TBCD: variants seen among roughly 807,000 people sequenced by gnomAD.
TBCD encodes tubulin folding cofactor D.
A neutral mutation model predicts 169.3 loss-of-function variants in TBCD; 105 were observed. That is an observed-to-expected ratio of 0.62 (90% CI 0.53 to 0.73). TBCD has a LOEUF of 0.73. Among genes scored for constraint, TBCD ranks in the 30% least tolerant of loss-of-function variants. The pLI is 0.00. For synonymous variants in TBCD, 700 were observed against 643.9 expected (o/e 1.09, Z -1.32); for missense variants, 1,444 against 1,600.1 (o/e 0.90, Z 1.66).
intron 13 of TBCD, chr17:82,830,200 G>A (rs753642559): frequency 1.2e-6 from 2 of 1,614,064 alleles, no homozygotes; most frequent in Non-Finnish European, 1.7e-6. Flanking sequence ...CTGCAGCTTC[G>A]CCTTCTTAGC....
rs1161108825 is a variant in TBCD, at chr17:82,905,579, G to A, written c.1805-357G>A. Among the ~76,000 whole-genome samples, 6 of 57,870 alleles carry A rather than the reference G, an allele frequency of 1.0e-4. 1 individual carries two copies. The highest frequency in any genetic ancestry group is 2.4e-4 in the African/African-American group (2 of 8,342). 38.0% of individuals were successfully genotyped at this position (57,870 alleles called of 152,430 possible). A position where few individuals can be genotyped will look rare whatever the true frequency, so the allele number is the denominator to read the frequency against. ...TGTGCACGCCGTCACCTGCCCTCCC[G>A]GCCCTGTGTGGGTGCGTGTGGGCTT... On this transcript the variant is annotated intron_variant, in intron 19 of 38. Coordinates refer to ENST00000355528, the MANE Select transcript of TBCD (RefSeq NM_005993.5).
chr17:82,925,094 C>T (rs1329208662), intron 27 of TBCD, 37 bp downstream of exon 27: 119 of 1,498,256 alleles, frequency 7.9e-5, no homozygotes, highest in Middle Eastern at 2.0e-4. Flanking sequence ...GGGCCTAGGG[C>T]GAGGGTGTGG....
chr17:82,805,329 C>T (rs2050879021), intron 9 of TBCD, among the ~76,000 whole-genome samples: 1 of 152,200 alleles, frequency 6.6e-6, no homozygotes, highest in Non-Finnish European at 1.5e-5. Context: ...GCCATGGGCC[C>T]CTTCATGGCG....
intron 13 of TBCD, among the ~76,000 whole-genome samples, chr17:82,868,343 C>A (rs2057325578): frequency 6.6e-6 from 1 of 152,138 alleles, no homozygotes; most frequent in African/African-American, 2.4e-5. Context: ...GGAGCCCTGG[C>A]AGGCTGGGGA....
intron 6 of TBCD, among the ~76,000 whole-genome samples, chr17:82,780,709 A>G (rs1437847355): frequency 7.2e-6 from 1 of 138,658 alleles, no homozygotes; most frequent in East Asian, 2.5e-4. Context: ...CAGTGGCACA[A>G]TCTTGGCTCA....
intron 13 of TBCD, among the ~76,000 whole-genome samples, chr17:82,816,598 A>G (rs964819827): frequency 2.0e-5 from 3 of 151,564 alleles, no homozygotes; most frequent in East Asian, 3.9e-4. Context: ...TGGTGATGCA[A>G]TCTCTGCTCA....
In TBCD at chr17:82,817,537, T is replaced by TC. The variant is rs199824331; in HGVS notation, c.1318+2609dup. Among the ~76,000 whole-genome samples the TC allele has an allele frequency of 9.6e-3, 1,462 of 152,176 alleles. 21 individuals are homozygous for TC. The highest frequency in any genetic ancestry group is 0.027 in the East Asian group (138 of 5,176). On this transcript the variant is annotated intron_variant, in intron 13 of 38. Coordinates refer to ENST00000355528, the MANE Select transcript of TBCD (RefSeq NM_005993.5). ...GTCTCGAACTCCTGAGCTCAAGCGATCCCCCCGCTTCAGCCTCCCAAAGTG... is the reference window on the plus strand; with the variant it reads ...GTCTCGAACTCCTGAGCTCAAGCGATCCCCCCCGCTTCAGCCTCCCAAAGTG...
intron 13 of TBCD, among the ~76,000 whole-genome samples, chr17:82,826,119 T>C (rs546119584): frequency 6.6e-6 from 1 of 152,390 alleles, no homozygotes; most frequent in Non-Finnish European, 1.5e-5. Context: ...CTATCATTTA[T>C]CTGCAACGAA....
chr17:82,759,266 A>AG (rs1467304515), intron 2 of TBCD, among the ~76,000 whole-genome samples: 1 of 151,976 alleles, frequency 6.6e-6, no homozygotes, highest in African/African-American at 2.4e-5. Flanking sequence ...GTGGATTACA[A>AG]GGTCAGGAGT....
At chr17:82,753,034 C>T (rs947718255) in intron 1 of TBCD, among the ~76,000 whole-genome samples, 1 of 152,192 alleles carries the variant, frequency 6.6e-6, no homozygotes, top group African/African-American at 2.4e-5. Context: ...TCAGACCCAC[C>T]TTTACCGCTG....
At chr17:82,790,331 C>T (rs1343854381) in intron 7 of TBCD, among the ~76,000 whole-genome samples, 5 of 152,240 alleles carry the variant, frequency 3.3e-5, no homozygotes, top group Admixed American at 3.3e-4. Context: ...GGCAGCACAC[C>T]TGCTGTCCTG....
chr17:82,901,790 TA>T (rs1293508754), intron 18 of TBCD, among the ~76,000 whole-genome samples: 23 of 152,354 alleles, frequency 1.5e-4, no homozygotes, highest in African/African-American at 5.5e-4. Flanking sequence ...TTCATTCGCT[TA>T]CAGAGAGGGG....
chr17:82,847,356 G>GGAA (rs1236836895), intron 13 of TBCD, among the ~76,000 whole-genome samples: 3 of 81,750 alleles, frequency 3.7e-5, no homozygotes, highest in Admixed American at 2.8e-4. Context: ...CCATGTCAAA[G>GGAA]AAAAAAAAAA....
chr17:82,942,797 C>T lies in TBCD; in HGVS notation c.*334C>T. The T allele has an allele frequency of 2.3e-6, 1 of 425,886 alleles. No individual in the cohort carries two copies. The highest frequency in any genetic ancestry group is 4.2e-6 in the Non-Finnish European group (1 of 238,642). 26.4% of individuals were successfully genotyped at this position (425,886 alleles called of 1,614,324 possible). A position where few individuals can be genotyped will look rare whatever the true frequency, so the allele number is the denominator to read the frequency against. The stretch of plus-strand genomic sequence containing the variant: ...AGCCAGAGGGGAGGTGGGCTGCACT[C>T]CTCCTGCCTGGAGACCAGGCCCCCT... On this transcript the variant is annotated 3_prime_UTR_variant, in exon 39 of 39. Coordinates refer to ENST00000355528, the MANE Select transcript of TBCD (RefSeq NM_005993.5).
At chr17:82,941,864 A>G (rs1163693711) in intron 38 of TBCD, 4 of 272,690 alleles carry the variant, frequency 1.5e-5, no homozygotes, top group Non-Finnish European at 2.8e-5. Context: ...AGAGGCCCCC[A>G]GAAGCTGCCC....
intron 7 of TBCD, among the ~76,000 whole-genome samples, chr17:82,786,256 A>G (rs1361952876): frequency 6.6e-6 from 1 of 152,082 alleles, no homozygotes; most frequent in East Asian, 1.9e-4. Flanking sequence ...TTTAACCTTA[A>G]TGAAATCCCT....
chr17:82,818,874 C>T (rs2052161970), intron 13 of TBCD, among the ~76,000 whole-genome samples: 1 of 152,188 alleles, frequency 6.6e-6, no homozygotes, highest in Admixed American at 6.5e-5. Context: ...CGAGACCAGC[C>T]TGGCCAACAT....
intron 38 of TBCD, 77 bp downstream of exon 38, chr17:82,941,560 CT>C: frequency 7.4e-7 from 1 of 1,345,566 alleles, no homozygotes. Flanking sequence ...AGCGGCTGTG[CT>C]TAGCTTCTGC....
chr17:82,858,130 T>C lies in TBCD; in HGVS notation c.1319-12094T>C, dbSNP rs1598983359. On this transcript the variant is annotated intron_variant, in intron 13 of 38. Coordinates refer to ENST00000355528, the MANE Select transcript of TBCD (RefSeq NM_005993.5). ...GATCTCCCTATGTTGTCCAGGCTGG[T>C]CTCGAACTCCTGGGCTCAAGTGATC... Among the ~76,000 whole-genome samples, 4 of 152,190 alleles carry C rather than the reference T, an allele frequency of 2.6e-5. No homozygotes were observed. The South Asian group carries it at 8.3e-4, about 32-fold the overall frequency.
Sources: gnomAD v4.1 joint callset for allele counts (sites outside exome capture counted in the v4.1 genomes callset) on GRCh38, gnomAD v4.1.1 for gene constraint, MANE v1.5 for transcripts, NCBI Gene and HGNC (gene_info 2026-07-23, HGNC 2026-07-21) for gene names.